MATK: variants seen among roughly 807,000 people sequenced by gnomAD.
MATK encodes megakaryocyte-associated tyrosine-protein kinase.
Under a neutral mutation model 59.8 loss-of-function variants are expected in MATK, and 41 were observed. That is an observed-to-expected ratio of 0.69 (90% confidence interval 0.53 to 0.89). MATK has a LOEUF of 0.89. Ranked by LOEUF, MATK falls within the 40% of genes least tolerant of loss-of-function variation. MATK has a pLI of 0.00. For missense variants in MATK, 593 were observed against 719.6 expected (o/e 0.82, Z 2.01); for synonymous variants, 308 against 306.1 (o/e 1.01, Z -0.06).
chr19:3,800,892 G>A (rs1035010021), intron 1 of MATK, among the ~76,000 whole-genome samples: 42 of 151,752 alleles, frequency 2.8e-4, no homozygotes, highest in Non-Finnish European at 2.8e-4. Flanking sequence ...ACAGAGTGTC[G>A]CTCTGTCATC....
chr19:3,781,469 G>T, intron 8 of MATK, 138 bp downstream of exon 8: 1 of 867,838 alleles, frequency 1.2e-6, no homozygotes, highest in Non-Finnish European at 1.9e-6. Flanking sequence ...GGAAACTGAG[G>T]CTCAGAGGAT....
chr19:3,796,829 G>A (rs1442270217), intron 1 of MATK, among the ~76,000 whole-genome samples: 1 of 152,168 alleles, frequency 6.6e-6, no homozygotes, highest in African/African-American at 2.4e-5. Context: ...TGGGTAATTA[G>A]AGGTTTGGCT....
intron 6 of MATK, 150 bp from the exon 7 acceptor site, chr19:3,783,369 C>T: frequency 1.5e-6 from 1 of 659,880 alleles, no homozygotes; most frequent in Non-Finnish European, 2.7e-6. Flanking sequence ...GGAGGCAAGC[C>T]AAAAGGAGGG....
chr19:3,795,806 G>A (rs1302344274), intron 1 of MATK, among the ~76,000 whole-genome samples: 2 of 126,570 alleles, frequency 1.6e-5, no homozygotes, highest in Non-Finnish European at 3.1e-5. Flanking sequence ...GTTTCGTCCA[G>A]GCTGGAGTGC....
rs1568412325 is a variant in MATK, at chr19:3,800,033, T to A, written c.-58+1499A>T. Among the ~76,000 whole-genome samples, 5 of 151,138 alleles carry A rather than the reference T, an allele frequency of 3.3e-5. No individual in the cohort carries two copies. The South Asian group carries it at 1.0e-3, about 31-fold the overall frequency. On this transcript the variant is annotated intron_variant, in intron 1 of 13. Coordinates refer to the MATK transcript ENST00000395045. ...TGCAGGCGCCTGTAGTCCCAGCTACTCGGGAGGCTGAGGCAGGAGAATGGC... is the reference window on the plus strand; with the variant it reads ...TGCAGGCGCCTGTAGTCCCAGCTACACGGGAGGCTGAGGCAGGAGAATGGC...
intron 7 of MATK, among the ~76,000 whole-genome samples, chr19:3,782,134 C>G (rs896108936): frequency 6.6e-6 from 1 of 152,196 alleles, no homozygotes; most frequent in Admixed American, 6.5e-5. Context: ...CCTCTGACCA[C>G]CCCAGAAACA....
At chr19:3,784,768 G>A (rs946506488) in intron 3 of MATK, 57 bp downstream of exon 3, 15 of 1,282,250 alleles carry the variant, frequency 1.2e-5, no homozygotes, top group South Asian at 2.5e-5. Context: ...GTCTCAGGGT[G>A]TGGACGGAGT....
intron 8 of MATK, among the ~76,000 whole-genome samples, chr19:3,780,907 T>C (rs878965522): frequency 6.6e-6 from 1 of 151,766 alleles, no homozygotes; most frequent in Non-Finnish European, 1.5e-5. Flanking sequence ...GGCTTTTTTT[T>C]TGTACAGATG....
intron 12 of MATK, 139 bp downstream of exon 12, chr19:3,778,853 C>G: frequency 1.0e-6 from 1 of 969,318 alleles, no homozygotes; most frequent in Non-Finnish European, 1.5e-6. Context: ...CTACGAGGAA[C>G]AATTATGGGC....
In MATK at chr19:3,779,009, C is replaced by T. The variant is rs1400666097; in HGVS notation, c.1180G>A (p.Glu394Lys). 4.5e-6 allele frequency: 7 copies of T among 1,572,640 alleles called. No individual in the cohort carries two copies. Among genetic ancestry groups the T allele is most frequent in the East Asian group, 2.3e-5 (1 of 44,406 alleles). The change falls in exon 12 of 14, where the codon GAG (glutamate) becomes AAG (lysine). Residue 394 changes from glutamate to lysine, a missense_variant. Coordinates refer to ENST00000310132, the MANE Select transcript of MATK (RefSeq NM_139355.3). ...GGGCTCACCCCGTGTTTGAGAGCCTCGGGCGCCGTCCACTTGACGGGCAGC... is the reference window on the plus strand; with the variant it reads ...GGGCTCACCCCGTGTTTGAGAGCCTTGGGCGCCGTCCACTTGACGGGCAGC... ...SRLPVKWTAPEALKHGKFTSK... is the reference protein window; with the variant it reads ...SRLPVKWTAPKALKHGKFTSK...
At chr19:3,786,559 G>A (rs1448742987), upstream of MATK, 12 of 269,500 alleles carry the variant, frequency 4.5e-5, no homozygotes, top group Non-Finnish European at 6.2e-5. This position sits in a 1 kb window ranked among gnomAD's most constrained non-coding sequence, Gnocchi z 4.1. Flanking sequence ...CGGGGTTCTT[G>A]GAGCGTGGAA....
chr19:3,798,971 ATT>A (rs112711436), intron 1 of MATK, among the ~76,000 whole-genome samples: 12 of 131,038 alleles, frequency 9.2e-5, no homozygotes, highest in African/African-American at 1.4e-4. Context: ...ATACCTGGCT[ATT>A]TTTTTTTTTT....
upstream of MATK, chr19:3,786,396 G>GCGCCGC (rs992108918): frequency 1.0e-5 from 10 of 980,130 alleles, no homozygotes; most frequent in Admixed American, 6.3e-5. The surrounding 1 kb of genome is among the most constrained non-coding windows in gnomAD (Gnocchi z 4.1). Flanking sequence ...TCTCCTCCGC[G>GCGCCGC]CGCCGCCGCC....
At chr19:3,794,027 A>G (rs2037569555) in intron 1 of MATK, among the ~76,000 whole-genome samples, 1 of 152,134 alleles carries the variant, frequency 6.6e-6, no homozygotes, top group Non-Finnish European at 1.5e-5. Context: ...GGGCAGCCAC[A>G]GGACCTTTGC....
At chr19:3,783,052 G>A in intron 7 of MATK, 74 bp downstream of exon 7, 3 of 1,463,978 alleles carry the variant, frequency 2.0e-6, no homozygotes, top group Non-Finnish European at 1.9e-6. Flanking sequence ...GAGGTGCGGG[G>A]CCCCAGGGCC....
At position 3,784,221 on chromosome 19, in the gene MATK, C is replaced by G; in HGVS notation, c.265G>C (p.Val89Leu). ...EACENKSWYR[V>L]KHHTSGQEGL... ...TCCTGTCCACTGGTGTGGTGCTTGA[C>G]GCGGTACCAGCTCTTGTTCTGCCAG... The change falls in exon 5 of 14, where the codon GTC becomes CTC. Residue 89 changes from valine to leucine, a missense_variant. Physicochemically the swap from Val to Leu is conservative, Grantham distance 32. Coordinates refer to ENST00000310132, the MANE Select transcript of MATK (RefSeq NM_139355.3). 6.2e-7 allele frequency: 1 copy of G among 1,613,144 alleles called. No individual in the cohort carries two copies. The highest frequency in any genetic ancestry group is 8.5e-7 in the Non-Finnish European group (1 of 1,179,466).
At chr19:3,786,472 C>A, upstream of MATK, 1 of 885,390 alleles carries the variant, frequency 1.1e-6, no homozygotes, top group South Asian at 5.0e-5. This position sits in a 1 kb window ranked among gnomAD's most constrained non-coding sequence, Gnocchi z 4.1. Flanking sequence ...CGGGCGGGGT[C>A]CCGGGGCGCA....
rs147891344 is a variant in MATK at position 3,778,264 on chromosome 19, C to G, written c.1443G>C (p.Glu481Asp). The part of the protein sequence containing the change: ...FRKLAEKLAR[E>D]LRSAGAPASV... ...AGGCTGGGGCACCTGCACTGCGTAG[C>G]TCCCGGGCCAGCTTCTCGGCCAGTT... The change falls in exon 14 of 14, where the codon GAG (glutamate) becomes GAC (aspartate). Residue 481 changes from glutamate (E) to aspartate (D), a missense_variant. Glu to Asp is a conservative substitution (Grantham distance 45, BLOSUM62 2). Transcript: ENST00000310132. 70 of 1,574,640 alleles carry G rather than the reference C, an allele frequency of 4.4e-5. No homozygotes were observed. The highest frequency in any genetic ancestry group is 1.0e-4 in the Admixed American group (5 of 48,488).
chr19:3,800,073 C>T (rs1319870106), intron 1 of MATK, among the ~76,000 whole-genome samples: 3 of 149,326 alleles, frequency 2.0e-5, no homozygotes, highest in African/African-American at 7.4e-5. Flanking sequence ...ACCCGGGAGG[C>T]GGAGCCTGCA....
Sources: allele counts gnomAD v4.1 joint callset (sites outside exome capture counted in the v4.1 genomes callset), GRCh38; gene constraint gnomAD v4.1.1; non-coding constraint Gnocchi (gnomAD v3.1); transcripts MANE v1.5; gene names NCBI Gene and HGNC (gene_info 2026-07-23, HGNC 2026-07-21).